Variants in USP22 observed in about 807,000 individuals in gnomAD.
USP22 encodes ubiquitin carboxyl-terminal hydrolase 22.
Under a neutral mutation model 68.1 loss-of-function variants are expected in USP22, and 22 were observed. The observed-to-expected ratio is 0.32, with a 90% CI of 0.23 to 0.46. The LOEUF is 0.46. Among genes scored for constraint, USP22 ranks in the 20% least tolerant of loss-of-function variants. USP22 has a pLI of 1.00. For missense variants in USP22, 433 were observed against 695.8 expected (o/e 0.62, Z 4.25); for synonymous variants, 279 against 274.2 (o/e 1.02, Z -0.17).
In USP22 at chr17:21,011,370, C is replaced by G. The variant is rs1913965418; in HGVS notation, c.945-61G>C. On this transcript the variant is annotated intron_variant, in intron 7 of 12. Coordinates refer to ENST00000261497, the MANE Select transcript of USP22 (RefSeq NM_015276.2). Reference sequence around the variant, plus strand: ...GACACCCACCCAGCTCCAGAGGCAACCCGGGGTGGAAGCCGTTCCCACATC... The same window carrying G: ...GACACCCACCCAGCTCCAGAGGCAAGCCGGGGTGGAAGCCGTTCCCACATC... The G allele has an allele frequency of 5.2e-6, 8 of 1,544,174 alleles. 1 individual carries two copies. Among genetic ancestry groups the G allele is most frequent in the South Asian group, 3.6e-5 (3 of 83,296 alleles).
Position 21,001,639 on chromosome 17 carries a change from T to C in USP22, c.*1392A>G, listed in dbSNP as rs1335617508. The C allele has an allele frequency of 6.6e-6, 1 of 152,234 alleles. No individual in the cohort carries two copies. The allele number at this position is 152,234 out of a possible 1,614,324, so 9.4% of individuals were successfully genotyped here. On this transcript the variant is annotated 3_prime_UTR_variant, in exon 13 of 13. Transcript: ENST00000261497. ...AACATCTGCCCACCGCTGAGACAGA[T>C]GATCCTGTTCCTGCAGGACTGAAGA...
chr17:21,009,091 C>CAAAAA (rs56665164), intron 8 of USP22, among the ~76,000 whole-genome samples: 1 of 91,916 alleles, frequency 1.1e-5, no homozygotes, highest in Non-Finnish European at 2.1e-5. Flanking sequence ...GACTCCATTT[C>CAAAAA]AAAAAAAAAA....
Position 21,019,184 on chromosome 17 carries a change from G to A in USP22, c.420C>T (p.Gly140=), listed in dbSNP as rs373088670. ...CCCAAGTTGAAAACTTCTCTCCAACGCCTAAGCAGATGAAGGACAGTTCCA... is the reference window on the plus strand; with the variant it reads ...CCCAAGTTGAAAACTTCTCTCCAACACCTAAGCAGATGAAGGACAGTTCCA... The part of the protein sequence containing the change: ...EEQRKAWKMQ[G]VGEKFSTWEP... The change falls in exon 4 of 13, where the codon GGC becomes GGT. Residue 140 remains glycine, a splice_region_variant and synonymous_variant. Coordinates refer to ENST00000261497, the MANE Select transcript of USP22 (RefSeq NM_015276.2). 33 of 1,613,680 alleles carry A rather than the reference G, an allele frequency of 2.0e-5. No individual in the cohort carries two copies. Among genetic ancestry groups the A allele is most frequent in the Non-Finnish European group, 2.3e-5 (27 of 1,179,742 alleles).
upstream of USP22, chr17:21,043,246 G>A (rs189568489): frequency 0.22 from 35,899 of 160,492 alleles, 5,096 homozygotes; most frequent in Non-Finnish European, 0.29. Flanking sequence ...GCGTGGTAGG[G>A]GGGGGAAGCT....
At chr17:21,016,392 G>C (rs2054463) in intron 5 of USP22, among the ~76,000 whole-genome samples, 113,027 of 151,630 alleles carry the variant, frequency 0.75, 42,581 homozygotes, top group South Asian at 0.82. Context: ...AACTCCAGCC[G>C]CAGACCCAGC....
At chr17:21,021,981 C>T (rs1597695798) in intron 2 of USP22, among the ~76,000 whole-genome samples, 2 of 152,008 alleles carry the variant, frequency 1.3e-5, no homozygotes, top group Non-Finnish European at 2.9e-5. Flanking sequence ...ACGCCTGTAA[C>T]CCCAGCTATT....
chr17:21,030,384 G>GTGTA lies in USP22; in HGVS notation c.172-1714_172-1711dup, dbSNP rs945403264. ...TCAGGCCGCTTGTGTGTGTGTGTGT[G>GTGTA]TGTATGTATGTATGTATGTATGTAT... On this transcript the variant is annotated intron_variant, in intron 1 of 12. Transcript: ENST00000261497. 2.2e-3 allele frequency among the ~76,000 whole-genome samples: 128 copies of GTGTA among 57,742 alleles called. 1 individual carries two copies. Among genetic ancestry groups the GTGTA allele is most frequent in the African/African-American group, 5.6e-3 (100 of 17,804 alleles). The allele number at this position is 57,742 out of a possible 152,430, so 37.9% of individuals were successfully genotyped here. A position where few individuals can be genotyped will look rare whatever the true frequency, so the allele number is the denominator to read the frequency against.
At chr17:21,034,146 C>T (rs1972326585) in intron 1 of USP22, among the ~76,000 whole-genome samples, 3 of 152,088 alleles carry the variant, frequency 2.0e-5, no homozygotes, top group Admixed American at 1.3e-4. Context: ...GTTCCCCAAC[C>T]TCAAAAACCT....
At chr17:21,016,094 T>C (rs1175327865) in intron 5 of USP22, among the ~76,000 whole-genome samples, 195 bp from the exon 6 acceptor site, 1 of 152,176 alleles carries the variant, frequency 6.6e-6, no homozygotes, top group Non-Finnish European at 1.5e-5. Flanking sequence ...AGTCCTCATA[T>C]GAATTTTTTC....
Position 21,019,401 on chromosome 17 carries a change from G to A in USP22, c.419-216C>T, listed in dbSNP as rs1451034252. The stretch of plus-strand genomic sequence containing the variant: ...CAGAGGGTATGAGGATGTGAGCTAC[G>A]TTTCCTGCAAGAAAAGCAGCACCTC... On this transcript the variant is annotated intron_variant, in intron 3 of 12. Transcript: ENST00000261497. Among the ~76,000 whole-genome samples the A allele has an allele frequency of 5.9e-5, 9 of 152,288 alleles. No individual in the cohort carries two copies. The East Asian group carries it at 1.7e-3, about 29-fold the overall frequency.
At chr17:21,036,530 G>T (rs1157345610) in intron 1 of USP22, among the ~76,000 whole-genome samples, 1 of 135,446 alleles carries the variant, frequency 7.4e-6, no homozygotes, top group African/African-American at 2.7e-5. Context: ...AGGGGGGGGG[G>T]GGTCAAGTCA....
Position 21,016,341 on chromosome 17 carries a change from A to G in USP22, c.691-442T>C, listed in dbSNP as rs188104924. ...ATTCTCTGCCTCTGAGGCTAATGGCAATTAGCTGAGGGCTTGCCAGCCAGT... is the reference window on the plus strand; with the variant it reads ...ATTCTCTGCCTCTGAGGCTAATGGCGATTAGCTGAGGGCTTGCCAGCCAGT... On this transcript the variant is annotated intron_variant, in intron 5 of 12. Coordinates refer to ENST00000261497, the MANE Select transcript of USP22 (RefSeq NM_015276.2). Among the ~76,000 whole-genome samples, 39 of 152,312 alleles carry G rather than the reference A, an allele frequency of 2.6e-4. No individual in the cohort carries two copies. The East Asian group carries it at 7.1e-3, about 28-fold the overall frequency.
Position 21,042,945 on chromosome 17 carries a change from C to T in USP22, c.-110G>A, listed in dbSNP as rs1972461508. The T allele has an allele frequency of 2.9e-6, 2 of 690,110 alleles. No homozygotes were observed. The highest frequency in any genetic ancestry group is 3.9e-6 in the Non-Finnish European group (2 of 506,960). The allele number at this position is 690,110 out of a possible 1,614,324, so 42.7% of individuals were successfully genotyped here. On this transcript the variant is annotated 5_prime_UTR_variant, in exon 1 of 13. Transcript: ENST00000261497. The stretch of plus-strand genomic sequence containing the variant: ...CTGGCCAGGCTGGCCAAGGCCCGGG[C>T]GCCGAGAACAAAGCGCGGAGGCCGG...
At chr17:21,021,049 G>T (rs1167281118) in intron 3 of USP22, 64 bp downstream of exon 3, 26 of 1,324,220 alleles carry the variant, frequency 2.0e-5, no homozygotes, top group Non-Finnish European at 2.5e-5. Flanking sequence ...CTCCTACTGG[G>T]TCTGCCCTTG....
chr17:21,004,650 C>A (rs1472207553), intron 11 of USP22, among the ~76,000 whole-genome samples: 1 of 152,224 alleles, frequency 6.6e-6, no homozygotes, highest in Non-Finnish European at 1.5e-5. Context: ...AACCCCAAGG[C>A]AAGAAGAATG....
chr17:21,007,125 A>G, intron 9 of USP22, 138 bp from the exon 10 acceptor site: 1 of 707,080 alleles, frequency 1.4e-6, no homozygotes, highest in Non-Finnish European at 2.3e-6. Flanking sequence ...AGCTACATCT[A>G]GAATTACAGA....
chr17:21,008,140 A>G (rs1415667437), intron 8 of USP22, 144 bp from the exon 9 acceptor site: 1 of 1,103,312 alleles, frequency 9.1e-7, no homozygotes, highest in Non-Finnish European at 1.2e-6. Context: ...ACAATGAAAA[A>G]AAGAGAAAAT....
intron 1 of USP22, among the ~76,000 whole-genome samples, chr17:21,033,023 C>T (rs535183053): frequency 5.3e-5 from 8 of 150,582 alleles, no homozygotes; most frequent in South Asian, 2.1e-4. Flanking sequence ...CATTTGCAGA[C>T]GATGCGGTTG....
At chr17:21,007,012 G>C (rs780594668) in intron 9 of USP22, 25 bp from the exon 10 acceptor site, 1 of 1,567,136 alleles carries the variant, frequency 6.4e-7, no homozygotes, top group African/African-American at 1.4e-5. Flanking sequence ...AGGGGACAGA[G>C]GGAAGAGGAA....
Sources: gnomAD v4.1 joint callset for allele counts (sites outside exome capture counted in the v4.1 genomes callset) on GRCh38, gnomAD v4.1.1 for gene constraint, MANE v1.5 for transcripts, NCBI Gene and HGNC (gene_info 2026-07-23, HGNC 2026-07-21) for gene names.